Variants in EXOC4 observed in about 807,000 individuals in gnomAD.
The protein encoded by EXOC4 is SEC8-like 1.
A neutral mutation model predicts 107.2 loss-of-function variants in EXOC4; 71 were observed. That is an observed-to-expected ratio of 0.66 (90% CI 0.55 to 0.81). The LOEUF (loss-of-function observed/expected upper bound fraction) is 0.81, where lower values mean the gene tolerates loss of function less well. EXOC4 is among the 30% of genes least tolerant of loss of function. The pLI, the probability that EXOC4 is intolerant of heterozygous loss-of-function variation, is 0.00. For missense variants in EXOC4, 1,108 were observed against 1,189.6 expected, an observed-to-expected ratio of 0.93 and a Z score of 1.01; for synonymous variants, 456 against 441.2, an observed-to-expected ratio of 1.03 and a Z score of -0.42.
chr7:134,002,781 A>G (rs747986183), intron 15 of EXOC4, among the ~76,000 whole-genome samples: 3 of 152,180 alleles, frequency 2.0e-5, no homozygotes, highest in Admixed American at 6.5e-5. Flanking sequence ...CTCTACATCT[A>G]TTAGGATGAC....
At chr7:133,708,745 A>G (rs1345623208) in intron 10 of EXOC4, among the ~76,000 whole-genome samples, 2 of 152,258 alleles carry the variant, frequency 1.3e-5, no homozygotes, top group Non-Finnish European at 2.9e-5. Flanking sequence ...TAATTGATGT[A>G]TACTTATTAA....
Position 133,528,667 on chromosome 7 carries a change from C to T in EXOC4, c.1417+48529C>T, listed in dbSNP as rs187813258. Among the ~76,000 whole-genome samples, 249 of 151,938 alleles carry T rather than the reference C, an allele frequency of 1.6e-3. 4 individuals are homozygous for T. The highest frequency in any genetic ancestry group is 3.1e-3 in the South Asian group (15 of 4,804). ...AGAGTGAGAGAATATATGAGTACTC[C>T]GTGTATCACCAGCTTAATTTTCTAT... On this transcript the variant is annotated intron_variant, in intron 9 of 17. Coordinates refer to ENST00000253861, the MANE Select transcript of EXOC4 (RefSeq NM_021807.4).
intron 10 of EXOC4, among the ~76,000 whole-genome samples, chr7:133,712,154 C>T (rs1390184570): frequency 6.6e-6 from 1 of 152,010 alleles, no homozygotes; most frequent in African/African-American, 2.4e-5. Context: ...AATTGGAGCC[C>T]TCTGGCCGGA....
intron 17 of EXOC4, among the ~76,000 whole-genome samples, chr7:134,038,002 A>G (rs994130974): frequency 2.6e-5 from 4 of 152,196 alleles, no homozygotes; most frequent in Admixed American, 6.5e-5. Context: ...AAACATAGAT[A>G]ACTTATCTTC....
intron 7 of EXOC4, among the ~76,000 whole-genome samples, chr7:133,444,756 A>T (rs1223629189): frequency 6.6e-6 from 1 of 152,100 alleles, no homozygotes; most frequent in Admixed American, 6.5e-5. Flanking sequence ...TGGCTATGTT[A>T]AATGTGGGAT....
At chr7:134,051,671 CAAAA>C (rs71172425) in intron 17 of EXOC4, among the ~76,000 whole-genome samples, 72,111 of 106,898 alleles carry the variant, frequency 0.67, 21,814 homozygotes, top group East Asian at 0.78. Context: ...GACTCCGTCT[CAAAA>C]AAAAAAAAAA....
At chr7:134,053,277 G>A (rs10250006) in intron 17 of EXOC4, among the ~76,000 whole-genome samples, 27,338 of 151,132 alleles carry the variant, frequency 0.18, 2,931 homozygotes, top group African/African-American at 0.29. Flanking sequence ...CCCTGCTCCA[G>A]TAGAACCTGC....
At chr7:133,715,414 C>T (rs560549070) in intron 10 of EXOC4, among the ~76,000 whole-genome samples, 25 of 152,128 alleles carry the variant, frequency 1.6e-4, no homozygotes, top group African/African-American at 5.5e-4. Context: ...AAAACGGATC[C>T]GGTCTCTTAG....
chr7:133,364,780 C>T (rs978563736), intron 6 of EXOC4, among the ~76,000 whole-genome samples: 12 of 152,308 alleles, frequency 7.9e-5, no homozygotes, highest in African/African-American at 2.6e-4. Flanking sequence ...GAGTGAGCCT[C>T]ACCACTTGCC....
chr7:133,668,812 A>G (rs1313253072), intron 10 of EXOC4, among the ~76,000 whole-genome samples: 3 of 152,080 alleles, frequency 2.0e-5, no homozygotes, highest in Non-Finnish European at 4.4e-5. Context: ...CCTGGGCCAG[A>G]GGTGCCTTTC....
intron 11 of EXOC4, among the ~76,000 whole-genome samples, chr7:133,881,547 C>T (rs1281119576): frequency 6.6e-6 from 1 of 152,144 alleles, no homozygotes; most frequent in Non-Finnish European, 1.5e-5. Flanking sequence ...CCCATCATAG[C>T]ACCTAGGACA....
At chr7:134,010,718 T>C in intron 17 of EXOC4, among the ~76,000 whole-genome samples, 1 of 152,226 alleles carries the variant, frequency 6.6e-6, no homozygotes, top group East Asian at 1.9e-4. Flanking sequence ...AACACAGTAA[T>C]TAATCACTAG....
intron 12 of EXOC4, among the ~76,000 whole-genome samples, chr7:133,900,333 A>C (rs1799423549): frequency 6.6e-6 from 1 of 152,232 alleles, no homozygotes; most frequent in Non-Finnish European, 1.5e-5. Flanking sequence ...TGGGAGGAAG[A>C]AATTACGAAG....
At chr7:134,038,338 A>T (rs777988265) in intron 17 of EXOC4, among the ~76,000 whole-genome samples, 19 of 152,134 alleles carry the variant, frequency 1.2e-4, no homozygotes, top group Non-Finnish European at 2.6e-4. Flanking sequence ...GAATTCCTGG[A>T]TATATTAGGC....
At chr7:133,481,364 C>T (rs769365102) in intron 9 of EXOC4, among the ~76,000 whole-genome samples, 1 of 140,704 alleles carries the variant, frequency 7.1e-6, no homozygotes, top group Non-Finnish European at 1.5e-5. Flanking sequence ...GGGCTTTTCT[C>T]CATGAGGGAT....
chr7:133,629,651 CT>C (rs1802541227), intron 9 of EXOC4, among the ~76,000 whole-genome samples: 1 of 152,064 alleles, frequency 6.6e-6, no homozygotes, highest in Non-Finnish European at 1.5e-5. Flanking sequence ...AGCAATTCTC[CT>C]GCCTCAACCT....
intron 17 of EXOC4, among the ~76,000 whole-genome samples, chr7:134,051,910 C>G (rs541630377): frequency 6.9e-6 from 1 of 144,622 alleles, no homozygotes; most frequent in Non-Finnish European, 1.5e-5. Context: ...GGCATGAACC[C>G]GGGAGGTAGA....
intron 10 of EXOC4, among the ~76,000 whole-genome samples, chr7:133,809,633 A>G (rs1157235878): frequency 6.6e-6 from 1 of 152,190 alleles, no homozygotes; most frequent in Non-Finnish European, 1.5e-5. Flanking sequence ...ATTGGTTGTG[A>G]TACATGGAAT....
At chr7:133,539,633 A>G (rs1242874020) in intron 9 of EXOC4, among the ~76,000 whole-genome samples, 1 of 152,102 alleles carries the variant, frequency 6.6e-6, no homozygotes, top group Non-Finnish European at 1.5e-5. Flanking sequence ...TAACTATAAA[A>G]TCAATGTAGT....
Sources: gnomAD v4.1 joint callset for allele counts (sites outside exome capture counted in the v4.1 genomes callset) on GRCh38, gnomAD v4.1.1 for gene constraint, MANE v1.5 for transcripts, NCBI Gene and HGNC (gene_info 2026-07-23, HGNC 2026-07-21) for gene names.